Variants in ADAMTS6 observed in about 807,000 individuals in gnomAD.
ADAMTS6 encodes the protein A disintegrin and metalloproteinase with thrombospondin motifs 6.
A neutral mutation model predicts 144.3 loss-of-function variants in ADAMTS6; 23 were observed. The observed-to-expected ratio is 0.16, with a 90% CI of 0.11 to 0.23. The LOEUF is 0.23. Among genes scored for constraint, ADAMTS6 ranks in the 10% least tolerant of loss-of-function variants. The pLI, the probability that ADAMTS6 is intolerant of heterozygous loss-of-function variation, is 1.00. For missense variants in ADAMTS6, 999 were observed against 1,379.6 expected (o/e 0.72, Z 4.37); for synonymous variants, 444 against 457.5 (o/e 0.97, Z 0.38).
chr5:65,417,231 AAAT>A (rs1480991949), intron 7 of ADAMTS6, among the ~76,000 whole-genome samples: 1 of 152,166 alleles, frequency 6.6e-6, no homozygotes, highest in Non-Finnish European at 1.5e-5. Flanking sequence ...ATAAATCTCA[AAAT>A]AATAAGAGCC....
At chr5:65,210,860 C>A in intron 20 of ADAMTS6, 1 of 345,372 alleles carries the variant, frequency 2.9e-6, no homozygotes, top group Non-Finnish European at 5.4e-6. Flanking sequence ...CTTGCTGCCA[C>A]AGGAGAGAAT....
chr5:65,327,120 T>C (rs1746246341), intron 9 of ADAMTS6, among the ~76,000 whole-genome samples: 1 of 152,056 alleles, frequency 6.6e-6, no homozygotes, highest in African/African-American at 2.4e-5. Flanking sequence ...TGAGAGCTGG[T>C]TGTTTAAAAG....
chr5:65,158,463 T>G (rs2111979221), intron 24 of ADAMTS6, among the ~76,000 whole-genome samples: 1 of 152,308 alleles, frequency 6.6e-6, no homozygotes, highest in East Asian at 1.9e-4. Context: ...CAATAAATAC[T>G]CTGTGACAGA....
intron 7 of ADAMTS6, among the ~76,000 whole-genome samples, chr5:65,352,518 A>T (rs1413775986): frequency 6.6e-6 from 1 of 151,664 alleles, no homozygotes; most frequent in Non-Finnish European, 1.5e-5. Context: ...ATACTTCGGT[A>T]AAAAAAAATT....
chr5:65,152,287 T>C (rs140009968), intron 24 of ADAMTS6, among the ~76,000 whole-genome samples: 635 of 152,358 alleles, frequency 4.2e-3, no homozygotes, highest in African/African-American at 0.014. Flanking sequence ...GTCATTTTTC[T>C]TACAGCACTT....
At chr5:65,331,761 T>A (rs547162749) in intron 8 of ADAMTS6, among the ~76,000 whole-genome samples, 1 of 151,992 alleles carries the variant, frequency 6.6e-6, no homozygotes, top group East Asian at 1.9e-4. Context: ...AATATGAAAG[T>A]GACTAGAATA....
intron 7 of ADAMTS6, among the ~76,000 whole-genome samples, chr5:65,341,523 C>T (rs1380557371): frequency 6.6e-6 from 1 of 151,828 alleles, no homozygotes; most frequent in Non-Finnish European, 1.5e-5. Flanking sequence ...GATGCCACAA[C>T]AGACACCACA....
intron 7 of ADAMTS6, among the ~76,000 whole-genome samples, chr5:65,450,878 G>A (rs1758685789): frequency 1.3e-5 from 2 of 152,058 alleles, no homozygotes; most frequent in Admixed American, 1.3e-4. Flanking sequence ...TGTAAAACTG[G>A]AAAGCAATAT....
intron 7 of ADAMTS6, among the ~76,000 whole-genome samples, chr5:65,411,510 T>G (rs140796974): frequency 3.9e-5 from 6 of 152,300 alleles, no homozygotes; most frequent in African/African-American, 1.4e-4. Flanking sequence ...TTCATCAGCA[T>G]TTTCCTCCTA....
chr5:65,337,765 C>A (rs1334109549), intron 7 of ADAMTS6, among the ~76,000 whole-genome samples: 1 of 152,156 alleles, frequency 6.6e-6, no homozygotes, highest in Non-Finnish European at 1.5e-5. Flanking sequence ...TACATCCCAT[C>A]AACTCTTCTC....
chr5:65,426,174 G>A (rs930957652), intron 7 of ADAMTS6, among the ~76,000 whole-genome samples: 8 of 151,160 alleles, frequency 5.3e-5, no homozygotes, highest in South Asian at 2.1e-4. Context: ...GGCCTCCCAA[G>A]TAGCTGGGAT....
intron 7 of ADAMTS6, among the ~76,000 whole-genome samples, chr5:65,336,031 C>A (rs748648162): frequency 1.3e-5 from 2 of 151,952 alleles, no homozygotes; most frequent in Admixed American, 6.6e-5. Context: ...ATCTGAAGAA[C>A]GATGAGAATT....
At chr5:65,290,798 A>T (rs1406873273) in intron 11 of ADAMTS6, among the ~76,000 whole-genome samples, 6 of 151,206 alleles carry the variant, frequency 4.0e-5, no homozygotes, top group Admixed American at 4.0e-4. Flanking sequence ...TGATGCCTAC[A>T]TTTTTTTTTC....
At chr5:65,314,826 A>C (rs1744837704) in intron 9 of ADAMTS6, among the ~76,000 whole-genome samples, 1 of 152,172 alleles carries the variant, frequency 6.6e-6, no homozygotes, top group Admixed American at 6.5e-5. Context: ...CTGCACTGCA[A>C]GAAATATTTT....
intron 9 of ADAMTS6, among the ~76,000 whole-genome samples, chr5:65,311,057 T>C (rs1744451517): frequency 1.3e-5 from 2 of 152,266 alleles, no homozygotes; most frequent in South Asian, 4.1e-4. Flanking sequence ...ATCATCACTA[T>C]ATCCACAATG....
At chr5:65,333,977 C>G in intron 8 of ADAMTS6, 65 bp downstream of exon 8, 1 of 1,091,062 alleles carries the variant, frequency 9.2e-7, no homozygotes, top group Non-Finnish European at 1.1e-6. Flanking sequence ...AAAAGACAAT[C>G]AGAACCATTC....
rs1759922691 is a variant in ADAMTS6, at chr5:65,465,406, C to A, written c.463-5068G>T. Among the ~76,000 whole-genome samples the A allele has an allele frequency of 4.6e-5, 7 of 152,242 alleles. No individual in the cohort carries two copies. In the South Asian group the frequency reaches 1.4e-3, roughly 32 times the overall value. Reference sequence around the variant, plus strand: ...ATTCTATTTGTGTGGAAAATTCTATCCTTTCTCACCTATCAAGAACTTCAT... The same window carrying A: ...ATTCTATTTGTGTGGAAAATTCTATACTTTCTCACCTATCAAGAACTTCAT... On this transcript the variant is annotated intron_variant, in intron 3 of 24. Coordinates refer to ENST00000381055, the MANE Select transcript of ADAMTS6 (RefSeq NM_197941.4).
intron 7 of ADAMTS6, among the ~76,000 whole-genome samples, chr5:65,368,541 G>A (rs1187191795): frequency 6.6e-6 from 1 of 152,198 alleles, no homozygotes; most frequent in African/African-American, 2.4e-5. Context: ...TCAAAAGAAT[G>A]AGGCTTTTAA....
chr5:65,442,257 T>C, intron 7 of ADAMTS6, among the ~76,000 whole-genome samples: 1 of 152,120 alleles, frequency 6.6e-6, no homozygotes, highest in East Asian at 1.9e-4. Flanking sequence ...ATTAAAAGGA[T>C]AATAAGATAT....
Sources: allele counts gnomAD v4.1 joint callset (sites outside exome capture counted in the v4.1 genomes callset), GRCh38; gene constraint gnomAD v4.1.1; transcripts MANE v1.5; gene names NCBI Gene and HGNC (gene_info 2026-07-23, HGNC 2026-07-21).